Variants in TRMT2B observed in about 807,000 individuals in gnomAD.
TRMT2B encodes tRNA methyltransferase 2B.
TRMT2B carries 34 observed loss-of-function variants against 39.7 expected under a neutral mutation model. The observed-to-expected ratio is 0.86, with a 90% confidence interval of 0.65 to 1.14. The LOEUF is 1.14. Among genes scored for constraint, TRMT2B ranks in the 50% most tolerant of loss-of-function variants. TRMT2B has a pLI of 0.00. For missense variants in TRMT2B, 318 were observed against 377.2 expected (o/e 0.84, Z 1.30); for synonymous variants, 132 against 137.3 (o/e 0.96, Z 0.27).
In TRMT2B at chrX:101,042,058, C is replaced by T; in HGVS notation, c.232G>A (p.Gly78Ser). The T allele has an allele frequency of 1.7e-6, 2 of 1,211,854 alleles. No homozygotes were observed. The highest frequency in any genetic ancestry group is 2.2e-6 in the Non-Finnish European group (2 of 895,519). Reference protein sequence around the residue: ...KKPSHLGPLDGSWQERLADVV... With the variant: ...KKPSHLGPLDSSWQERLADVV... ...GGCCTTTACCTTTCCTGCCAGGAAC[C>T]ATCTAGTGGTCCAAGATGGCTTGGT... The change falls in exon 3 of 14, where the codon GGT (glycine) becomes AGT (serine). Residue 78 changes from glycine (G) to serine (S), a missense_variant. Coordinates refer to ENST00000372936, the MANE Select transcript of TRMT2B (RefSeq NM_024917.6).
Position 101,035,192 on chromosome X carries a change from AAAAG to A in TRMT2B, c.609+417_609+420del, listed in dbSNP as rs773783915. Among the ~76,000 whole-genome samples the A allele has an allele frequency of 1.7e-3, 193 of 111,440 alleles. 1 individual carries two copies. Among genetic ancestry groups the A allele is most frequent in the Middle Eastern group, 4.7e-3 (1 of 214 alleles). Reference sequence around the variant, plus strand: ...GCAAGACCTCATCCAAGAAAGAAAGAAAAGAAAGAAAGAAAAAAACGTATCAGAG... The same window carrying A: ...GCAAGACCTCATCCAAGAAAGAAAGAAAAGAAAGAAAAAAACGTATCAGAG... On this transcript the variant is annotated intron_variant, in intron 7 of 13. Coordinates refer to ENST00000372936, the MANE Select transcript of TRMT2B (RefSeq NM_024917.6).
chrX:100,988,121 G>A, the TRMT2B span: 5 of 841,981 alleles, frequency 5.9e-6, no homozygotes, highest in Non-Finnish European at 8.6e-6. Flanking sequence ...GGATGGGGTA[G>A]TAGCTGCATT....
chrX:100,985,595 A>T, the TRMT2B span: 1 of 1,123,898 alleles, frequency 8.9e-7, no homozygotes, highest in Non-Finnish European at 1.2e-6. Context: ...ATCGGAACCG[A>T]CTCTACTCCT....
At chrX:101,033,843 CT>C (rs770967318) in intron 7 of TRMT2B, among the ~76,000 whole-genome samples, 143 of 96,486 alleles carry the variant, frequency 1.5e-3, no homozygotes, top group South Asian at 5.7e-3. Context: ...TTAACATTTC[CT>C]TTTTTTTTTT....
At chrX:100,990,877 T>G in the TRMT2B span, 1 of 248,298 alleles carries the variant, frequency 4.0e-6, no homozygotes, top group Non-Finnish European at 7.2e-6. Context: ...ATAAACAACT[T>G]TGTTTTAAAG....
In TRMT2B at chrX:101,051,826, C is replaced by T. The variant is rs918993777; in HGVS notation, c.-516G>A. On this transcript the variant is annotated 5_prime_UTR_variant, in exon 1 of 14. Coordinates refer to ENST00000372936, the MANE Select transcript of TRMT2B (RefSeq NM_024917.6). The stretch of plus-strand genomic sequence containing the variant: ...AAATCCTCTTACAAACCTGAGGCGG[C>T]AAACTAAAAGGCCAGCGGATGGCCT... 4.5e-6 allele frequency: 2 copies of T among 444,396 alleles called. No individual in the cohort carries two copies. Among genetic ancestry groups the T allele is most frequent in the African/African-American group, 2.7e-5 (1 of 37,570 alleles). The allele number at this position is 444,396 out of a possible 1,213,427, so 36.6% of individuals were successfully genotyped here. A position where few individuals can be genotyped will look rare whatever the true frequency, so the allele number is the denominator to read the frequency against.
At position 101,009,828 on chromosome X, in the gene TRMT2B, C is replaced by T. The variant is rs2086180946; in HGVS notation, c.*753G>A. 9.2e-6 allele frequency: 1 copy of T among 108,289 alleles called. No homozygotes were observed. The highest frequency in any genetic ancestry group is 4.0e-4 in the South Asian group (1 of 2,474). 8.9% of individuals were successfully genotyped at this position (108,289 alleles called of 1,213,427 possible). On this transcript the variant is annotated 3_prime_UTR_variant, in exon 14 of 14. Transcript: ENST00000372936. ...GGCTTACCCTGCTTTTAAAAAACCT[C>T]GACTGTTTCTGGTTTTAATCCTTAA...
At position 101,021,139 on chromosome X, in the gene TRMT2B, T is replaced by G. The variant is rs777119172; in HGVS notation, c.1028A>C (p.Asn343Thr). Reference protein sequence around the residue: ...YRTVGELTGVNSDTILLDICC... With the variant: ...YRTVGELTGVTSDTILLDICC... ...GATGTCAAGAAGGATGGTGTCAGAG[T>G]TCACTCCAGTCAGCTCCCCCACAGT... Residue 343 changes from asparagine to threonine, a missense_variant, in exon 10 of 14, where the codon AAC (asparagine) becomes ACC (threonine). Transcript: ENST00000372936. 2 of 1,210,848 alleles carry G rather than the reference T, an allele frequency of 1.7e-6. No individual in the cohort carries two copies. The highest frequency in any genetic ancestry group is 2.2e-6 in the Non-Finnish European group (2 of 895,370).
chrX:100,994,579 G>A, the TRMT2B span, among the ~76,000 whole-genome samples: 1 of 111,753 alleles, frequency 8.9e-6, no homozygotes, highest in Non-Finnish European at 1.9e-5. Flanking sequence ...CTACCTGCCA[G>A]TAGCACTCTG....
chrX:100,989,378 G>A, the TRMT2B span, among the ~76,000 whole-genome samples: 5 of 110,599 alleles, frequency 4.5e-5, no homozygotes, highest in Non-Finnish European at 9.5e-5. Flanking sequence ...TTGGGAGGCT[G>A]AGGCGGGCGG....
At chrX:101,037,864 T>C in intron 5 of TRMT2B, 53 bp downstream of exon 5, 1 of 1,139,859 alleles carries the variant, frequency 8.8e-7, no homozygotes, top group Non-Finnish European at 1.2e-6. Flanking sequence ...TCAGCTGATG[T>C]TATTAGCATT....
intron 4 of TRMT2B, among the ~76,000 whole-genome samples, chrX:101,039,845 A>G (rs1051414983): frequency 6.4e-5 from 7 of 109,890 alleles, no homozygotes; most frequent in Non-Finnish European, 1.3e-4. Context: ...GGTTGCAGTG[A>G]GCCATAATCA....
rs35472826 is a variant in TRMT2B at position 101,044,249 on chromosome X, GAAAA to G, written c.-23-1941_-23-1938del. Among the ~76,000 whole-genome samples the G allele has an allele frequency of 1.6e-3, 70 of 43,534 alleles. 1 individual carries two copies. In the East Asian group the frequency reaches 0.044, roughly 27 times the overall value. The allele number at this position is 43,534 out of a possible 115,157, so 37.8% of individuals were successfully genotyped here. On this transcript the variant is annotated intron_variant, in intron 2 of 13. Transcript: ENST00000372936. Reference sequence around the variant, plus strand: ...AGAGCGAGACTCCGTCTCAAAAAGAGAAAAAAAAAAAAAAAAAAAGCAAGTTCAT... The same window carrying G: ...AGAGCGAGACTCCGTCTCAAAAAGAGAAAAAAAAAAAAAAAGCAAGTTCAT...
the TRMT2B span, among the ~76,000 whole-genome samples, chrX:100,982,474 T>A: frequency 6.9e-5 from 1 of 14,444 alleles, no homozygotes; most frequent in Admixed American, 7.5e-4. Flanking sequence ...GCTTAAAAAA[T>A]AAATAAATAA....
the TRMT2B span, among the ~76,000 whole-genome samples, chrX:100,981,299 C>T: frequency 1.4e-4 from 16 of 111,990 alleles, no homozygotes; most frequent in Non-Finnish European, 1.3e-4. Flanking sequence ...ATGCTTCCTC[C>T]GTAAGTGCTG....
chrX:101,000,566 A>T, the TRMT2B span, among the ~76,000 whole-genome samples: 3 of 110,748 alleles, frequency 2.7e-5, no homozygotes, highest in Non-Finnish European at 5.7e-5. Flanking sequence ...TTAAAGAAAT[A>T]AAAACCTTTG....
Position 101,018,986 on chromosome X carries a change from G to A in TRMT2B, c.1373C>T (p.Thr458Ile), listed in dbSNP as rs2086663168. Residue 458 changes from threonine (T) to isoleucine (I), a missense_variant, in exon 13 of 14, where the codon ACT (threonine) becomes ATT (isoleucine). Transcript: ENST00000372936. ...CAAGACTTACTCAATGACATTCCTA[G>A]TGGATTCACCATGGAGCTTGCAGGA... ...FVSCKLHGESTRNVIELCCPP... is the reference protein window; with the variant it reads ...FVSCKLHGESIRNVIELCCPP... 1 of 1,201,947 alleles carries A rather than the reference G, an allele frequency of 8.3e-7. No individual in the cohort carries two copies. The highest frequency in any genetic ancestry group is 1.7e-5 in the African/African-American group (1 of 57,687).
intron 8 of TRMT2B, among the ~76,000 whole-genome samples, chrX:101,022,763 C>G (rs902891635): frequency 2.7e-5 from 3 of 111,442 alleles, no homozygotes; most frequent in Non-Finnish European, 5.6e-5. Context: ...CACCACTGCA[C>G]TCCAATCTGG....
Position 101,021,321 on chromosome X carries a change from A to C in TRMT2B, c.852-6T>G. On this transcript the variant is annotated splice_polypyrimidine_tract_variant and splice_region_variant and intron_variant, in intron 9 of 13. Coordinates refer to ENST00000372936, the MANE Select transcript of TRMT2B (RefSeq NM_024917.6). ...GGCTGCAACGGGTCATGGTACTGGA[A>C]AGGAATAAAAGAAGAAAGCATCTTG... 8.4e-7 allele frequency: 1 copy of C among 1,192,949 alleles called. No individual in the cohort carries two copies. Among genetic ancestry groups the C allele is most frequent in the African/African-American group, 1.7e-5 (1 of 57,359 alleles).
Sources: gnomAD v4.1 joint callset for allele counts (sites outside exome capture counted in the v4.1 genomes callset) on GRCh38, gnomAD v4.1.1 for gene constraint, MANE v1.5 for transcripts, NCBI Gene and HGNC (gene_info 2026-07-23, HGNC 2026-07-21) for gene names.